The following MYH13 variants were observed in gnomAD, a reference collection of about 807,000 sequenced individuals.
MYH13 encodes the protein myosin-13.
MYH13 carries 177 observed loss-of-function variants against 232.1 expected under a neutral mutation model. The observed-to-expected ratio is 0.76, with a 90% CI of 0.67 to 0.86. The LOEUF (loss-of-function observed/expected upper bound fraction) is 0.86. Ranked by LOEUF, MYH13 falls within the 40% of genes least tolerant of loss-of-function variation. The pLI is 0.00. For missense variants in MYH13, 2,246 were observed against 2,405.9 expected, an observed-to-expected ratio of 0.93 and a Z score of 1.39; for synonymous variants, 884 against 923.5, an observed-to-expected ratio of 0.96 and a Z score of 0.78.
intron 22 of MYH13, among the ~76,000 whole-genome samples, chr17:10,326,891 C>T (rs940436380): frequency 1.3e-5 from 2 of 148,580 alleles, no homozygotes; most frequent in African/African-American, 4.9e-5. Flanking sequence ...TCTCAGCTCA[C>T]TGCAACCTCG....
At chr17:10,310,306 G>T (rs1906465297) in intron 33 of MYH13, among the ~76,000 whole-genome samples, 1 of 152,024 alleles carries the variant, frequency 6.6e-6, no homozygotes, top group Admixed American at 6.6e-5. Flanking sequence ...GCCTAGGCTG[G>T]TCTCGAACTC....
intron 39 of MYH13, among the ~76,000 whole-genome samples, 186 bp downstream of exon 39, chr17:10,303,010 G>T (rs1442669323): frequency 6.6e-6 from 1 of 152,068 alleles, no homozygotes; most frequent in Non-Finnish European, 1.5e-5. Context: ...CACAGAGATG[G>T]TGAAGGTCGT....
chr17:10,301,000 G>C lies in MYH13; in HGVS notation c.5803-35C>G, dbSNP rs754001391. 1.6e-5 allele frequency: 26 copies of C among 1,600,654 alleles called. 2 individuals are homozygous for C. In the South Asian group the frequency reaches 2.8e-4, roughly 17 times the overall value. ...AAAAAAATAATTGTACATAGGAAAT[G>C]AGTCAACTAAATGGGAGACTGAACA... On this transcript the variant is annotated intron_variant, in intron 40 of 40. Coordinates refer to ENST00000252172, the MANE Select transcript of MYH13 (RefSeq NM_003802.3).
chr17:10,362,490 T>C lies in MYH13; in HGVS notation c.218A>G (p.Asn73Ser). Residue 73 changes from asparagine to serine, a missense_variant, in exon 4 of 41, where the codon AAC (asparagine) becomes AGC (serine). Physicochemically the swap from Asn to Ser is conservative, Grantham distance 46 (BLOSUM62 1). Coordinates refer to ENST00000252172, the MANE Select transcript of MYH13 (RefSeq NM_003802.3). ...GTTCATGGGGAAGACCTGGTCATTGTTCAGAGTGAGCATCTGGGTATTGAG... is the reference window on the plus strand; with the variant it reads ...GTTCATGGGGAAGACCTGGTCATTGCTCAGAGTGAGCATCTGGGTATTGAG... Reference protein sequence around the residue: ...KTLDDRMLTLNNDQVFPMNPP... With the variant: ...KTLDDRMLTLSNDQVFPMNPP... The C allele has an allele frequency of 6.2e-7, 1 of 1,614,170 alleles. No homozygotes were observed. The highest frequency in any genetic ancestry group is 8.5e-7 in the Non-Finnish European group (1 of 1,180,022).
At chr17:10,302,972 G>A (rs189441786) in intron 39 of MYH13, among the ~76,000 whole-genome samples, 2 of 152,134 alleles carry the variant, frequency 1.3e-5, no homozygotes. Flanking sequence ...GATGGAGGGG[G>A]CTGGCCAAGT....
chr17:10,323,879 T>C, intron 23 of MYH13, 143 bp downstream of exon 23: 5 of 1,080,182 alleles, frequency 4.6e-6, no homozygotes, highest in Non-Finnish European at 6.5e-6. Context: ...TGTTGGGACT[T>C]AACTACCCTT....
intron 12 of MYH13, among the ~76,000 whole-genome samples, chr17:10,347,767 G>A (rs1251303558): frequency 1.5e-5 from 2 of 133,242 alleles, no homozygotes; most frequent in African/African-American, 5.7e-5. Context: ...TGCCCAGGCT[G>A]GAGTGCAGTG....
At chr17:10,325,373 A>G (rs542731704) in intron 22 of MYH13, among the ~76,000 whole-genome samples, 2 of 152,074 alleles carry the variant, frequency 1.3e-5, no homozygotes, top group East Asian at 3.9e-4. Context: ...GAGATAAGGT[A>G]TCACTATGTT....
chr17:10,313,780 AGGATT>A (rs911459055), intron 29 of MYH13, among the ~76,000 whole-genome samples: 5 of 152,244 alleles, frequency 3.3e-5, no homozygotes, highest in African/African-American at 1.2e-4. Context: ...TATAATCAGA[AGGATT>A]GGAACAATTA....
At chr17:10,358,634 G>A (rs963377452) in intron 7 of MYH13, among the ~76,000 whole-genome samples, 3 of 152,066 alleles carry the variant, frequency 2.0e-5, no homozygotes, top group Non-Finnish European at 4.4e-5. Flanking sequence ...GGTGGTTCCT[G>A]TAGTCTTAGC....
chr17:10,347,287 C>T (rs1292637946), intron 12 of MYH13, among the ~76,000 whole-genome samples: 1 of 152,102 alleles, frequency 6.6e-6, no homozygotes, highest in Non-Finnish European at 1.5e-5. Flanking sequence ...ATCACTTGAA[C>T]CTAGGAGGCA....
At chr17:10,313,686 G>T (rs1197797643) in intron 29 of MYH13, among the ~76,000 whole-genome samples, 1 of 152,146 alleles carries the variant, frequency 6.6e-6, no homozygotes, top group Non-Finnish European at 1.5e-5. Context: ...GGGACTCCAT[G>T]CCTGGGGTCT....
chr17:10,341,551 C>T (rs908449661), intron 16 of MYH13: 9 of 152,200 alleles, frequency 5.9e-5, no homozygotes, highest in Non-Finnish European at 1.5e-5. Flanking sequence ...ACTCAGTTTT[C>T]TCTGATACTT....
chr17:10,371,656 A>G lies in MYH13; in HGVS notation c.-63-397T>C, dbSNP rs796782054. Among the ~76,000 whole-genome samples, 4 of 152,308 alleles carry G rather than the reference A, an allele frequency of 2.6e-5. No individual in the cohort carries two copies. The East Asian group carries it at 7.7e-4, about 29-fold the overall frequency. ...TTTTAAGGAGTCTAAACAAAGTACTATGGGAACTTAGAGAAACCGCTTCTG... is the reference window on the plus strand; with the variant it reads ...TTTTAAGGAGTCTAAACAAAGTACTGTGGGAACTTAGAGAAACCGCTTCTG... On this transcript the variant is annotated intron_variant, in intron 1 of 40. Transcript: ENST00000252172.
Position 10,314,831 on chromosome 17 carries a change from A to G in MYH13, c.3984+862T>C, listed in dbSNP as rs149591246. On this transcript the variant is annotated intron_variant, in intron 29 of 40. Transcript: ENST00000252172. ...AGGCACAGTAGGTACAGTGGGGACA[A>G]ACTATTCTTGCCCTCCATGAGTTTA... is the stretch of plus-strand genomic sequence containing the variant. Among the ~76,000 whole-genome samples, 129 of 152,332 alleles carry G rather than the reference A, an allele frequency of 8.5e-4. 2 individuals carry two copies. The highest frequency in any genetic ancestry group is 2.9e-3 in the African/African-American group (122 of 41,566).
Position 10,313,225 on chromosome 17 carries a change from C to T in MYH13, c.4114G>A (p.Val1372Ile), listed in dbSNP as rs760137733. The change falls in exon 30 of 41, where the codon GTT becomes ATT. Residue 1372 changes from valine (V) to isoleucine (I), a missense_variant. By Grantham distance (29) the Val-to-Ile change is conservative (BLOSUM62 3). Coordinates refer to ENST00000252172, the MANE Select transcript of MYH13 (RefSeq NM_003802.3). ...TCGTATTTGGTCCTCCACTGGGCAA[C>T]CTCACTGTTGGCCTTGGACAGCGCC... ...QRALSKANSE[V>I]AQWRTKYETD... The T allele has an allele frequency of 1.2e-6, 2 of 1,614,222 alleles. No individual in the cohort carries two copies. The highest frequency in any genetic ancestry group is 2.2e-5 in the East Asian group (1 of 44,872).
rs1933281776 is a variant in MYH13 at position 10,358,525 on chromosome 17, A to G, written c.646-698T>C. Among the ~76,000 whole-genome samples, 4 of 152,114 alleles carry G rather than the reference A, an allele frequency of 2.6e-5. No homozygotes were observed. The South Asian group carries it at 8.3e-4, about 32-fold the overall frequency. ...TCGTAATTAGCACTTTGGAAGGCTG[A>G]GGCAGGAGGATTACTTGAGGCCAAC... is the stretch of plus-strand genomic sequence containing the variant. On this transcript the variant is annotated intron_variant, in intron 7 of 40. Transcript: ENST00000252172.
chr17:10,332,131 C>T lies in MYH13; in HGVS notation c.2266G>A (p.Asp756Asn), dbSNP rs749031621. The change falls in exon 20 of 41, where the codon GAC becomes AAC. Residue 756 changes from aspartate (D) to asparagine (N), a missense_variant. Asp to Asn is a conservative substitution (Grantham distance 23). Transcript: ENST00000252172. ...TTGCCGAACCTGAACTGCTCCCGGT[C>T]CACATCGATGGAGTTGAGGAGCTTC... ...SEKLLNSIDV[D>N]REQFRFGNTK... 8.1e-6 allele frequency: 13 copies of T among 1,613,864 alleles called. No homozygotes were observed. Among genetic ancestry groups the T allele is most frequent in the Admixed American group, 3.3e-5 (2 of 60,004 alleles).
intron 3 of MYH13, 64 bp from the exon 4 acceptor site, chr17:10,362,567 T>A: frequency 1.3e-6 from 2 of 1,597,752 alleles, no homozygotes; most frequent in Middle Eastern, 3.3e-4. Flanking sequence ...TGCACTTTAC[T>A]GGTGTGGTGG....
Sources: gnomAD v4.1 joint callset for allele counts (sites outside exome capture counted in the v4.1 genomes callset) on GRCh38, gnomAD v4.1.1 for gene constraint, MANE v1.5 for transcripts, NCBI Gene and HGNC (gene_info 2026-07-23, HGNC 2026-07-21) for gene names.